Variants in IGF2BP3 observed in about 807,000 individuals in gnomAD.
The protein encoded by IGF2BP3 is insulin-like growth factor 2 mRNA-binding protein 3.
Under a neutral mutation model 73.8 loss-of-function variants are expected in IGF2BP3, and 9 were observed. That is an observed-to-expected ratio of 0.12 (90% confidence interval 0.07 to 0.21). The LOEUF is 0.21. Ranked by LOEUF, IGF2BP3 falls within the 10% of genes least tolerant of loss-of-function variation. The pLI is 1.00. For missense variants in IGF2BP3, 542 were observed against 714.0 expected, an observed-to-expected ratio of 0.76 and a Z score of 2.75; for synonymous variants, 258 against 256.7, an observed-to-expected ratio of 1.01 and a Z score of -0.05.
At chr7:23,433,172 C>G (rs542610505) in intron 2 of IGF2BP3, among the ~76,000 whole-genome samples, 14 of 152,140 alleles carry the variant, frequency 9.2e-5, no homozygotes, top group African/African-American at 3.4e-4. Flanking sequence ...TTGAGTAGCA[C>G]TGAAAATTAA....
At chr7:23,416,008 C>A (rs954518582) in intron 3 of IGF2BP3, 10 of 152,178 alleles carry the variant, frequency 6.6e-5, no homozygotes, top group African/African-American at 2.4e-4. Flanking sequence ...GTACCAAGCA[C>A]TGTTTTAAAG....
intron 2 of IGF2BP3, among the ~76,000 whole-genome samples, chr7:23,466,043 G>A (rs538018722): frequency 2.0e-5 from 3 of 148,504 alleles, no homozygotes; most frequent in Admixed American, 2.0e-4. Flanking sequence ...TTTTTTTGAG[G>A]TAGAGTTTCA....
intron 3 of IGF2BP3, among the ~76,000 whole-genome samples, chr7:23,401,821 C>T (rs945198292): frequency 9.2e-5 from 14 of 151,534 alleles, no homozygotes; most frequent in African/African-American, 2.9e-4. Context: ...CAGTCTAGGC[C>T]GGGCACGGTG....
intron 2 of IGF2BP3, among the ~76,000 whole-genome samples, chr7:23,439,927 A>G (rs1282104946): frequency 6.6e-6 from 1 of 152,130 alleles, no homozygotes; most frequent in Non-Finnish European, 1.5e-5. Context: ...AAAATTTACA[A>G]TGGCCCTTTC....
rs1446280301 is a variant in IGF2BP3, at chr7:23,361,681, G to A, written c.337+9C>T. On this transcript the variant is annotated intron_variant, in intron 4 of 14. Transcript: ENST00000258729. ...TTACAAATTTGAAAGCAATTCAGAA[G>A]ACATGTACCTTGCTCACAGCTCTCC... 2.5e-6 allele frequency: 4 copies of A among 1,613,722 alleles called. No individual in the cohort carries two copies. The highest frequency in any genetic ancestry group is 3.4e-6 in the Non-Finnish European group (4 of 1,179,796).
At chr7:23,329,756 CCT>C (rs1300544796) in intron 10 of IGF2BP3, among the ~76,000 whole-genome samples, 1 of 152,164 alleles carries the variant, frequency 6.6e-6, no homozygotes, top group Non-Finnish European at 1.5e-5. Flanking sequence ...GTTTGGGTCT[CCT>C]CTGTGTGAGG....
At chr7:23,364,853 G>C (rs911856416) in intron 3 of IGF2BP3, among the ~76,000 whole-genome samples, 2 of 151,326 alleles carry the variant, frequency 1.3e-5, no homozygotes, top group Non-Finnish European at 3.0e-5. Context: ...GTAGTTGACA[G>C]TTTAATATGT....
At position 23,469,779 on chromosome 7, in the gene IGF2BP3, G is replaced by A. The variant is rs1788665562; in HGVS notation, c.175+157C>T. On this transcript the variant is annotated intron_variant, in intron 1 of 14. Coordinates refer to ENST00000258729, the MANE Select transcript of IGF2BP3 (RefSeq NM_006547.3). The surrounding 1 kb of genome is among the most constrained non-coding windows in gnomAD (Gnocchi z 6.1). ...GGCCGGAGTGGGAGCCGGAGCTGAGGAGAGCCCCGGCCCCCACGCGCGTGG... is the reference window on the plus strand; with the variant it reads ...GGCCGGAGTGGGAGCCGGAGCTGAGAAGAGCCCCGGCCCCCACGCGCGTGG... Among the ~76,000 whole-genome samples the A allele has an allele frequency of 6.6e-6, 1 of 151,600 alleles. No individual in the cohort carries two copies. The highest frequency in any genetic ancestry group is 2.4e-5 in the African/African-American group (1 of 41,340).
At chr7:23,449,109 G>T (rs148583181) in intron 2 of IGF2BP3, among the ~76,000 whole-genome samples, 1 of 137,456 alleles carries the variant, frequency 7.3e-6, no homozygotes, top group Admixed American at 7.7e-5. Context: ...TTCCTATACC[G>T]ATTTATTATC....
At chr7:23,392,649 CA>C (rs1786322239) in intron 3 of IGF2BP3, among the ~76,000 whole-genome samples, 1 of 151,832 alleles carries the variant, frequency 6.6e-6, no homozygotes, top group Non-Finnish European at 1.5e-5. Flanking sequence ...TTTTTGGAGA[CA>C]GGGTCTTGCT....
intron 3 of IGF2BP3, among the ~76,000 whole-genome samples, chr7:23,384,959 C>T (rs796870332): frequency 2.6e-5 from 4 of 152,200 alleles, no homozygotes; most frequent in African/African-American, 9.6e-5. Flanking sequence ...TTTCAACTTA[C>T]AATATTTTCA....
In IGF2BP3 at chr7:23,469,823, C is replaced by T; in HGVS notation, c.175+113G>A. 3.4e-6 allele frequency: 2 copies of T among 590,250 alleles called. No homozygotes were observed. The highest frequency in any genetic ancestry group is 2.0e-5 in the African/African-American group (1 of 51,222). The allele number at this position is 590,250 out of a possible 1,614,324, so 36.6% of individuals were successfully genotyped here. A position where few individuals can be genotyped will look rare whatever the true frequency, so the allele number is the denominator to read the frequency against. Reference sequence around the variant, plus strand: ...CGCGTGGGTGTGGGCGCTCAGGCCTCACCCCCGCTCCCCCAGCGCGCCGGG... The same window carrying T: ...CGCGTGGGTGTGGGCGCTCAGGCCTTACCCCCGCTCCCCCAGCGCGCCGGG... On this transcript the variant is annotated intron_variant, in intron 1 of 14. Coordinates refer to ENST00000258729, the MANE Select transcript of IGF2BP3 (RefSeq NM_006547.3). This position sits in a 1 kb window ranked among gnomAD's most constrained non-coding sequence, Gnocchi z 6.1.
intron 3 of IGF2BP3, chr7:23,362,733 T>C (rs540906903): frequency 6.6e-6 from 1 of 152,346 alleles, no homozygotes; most frequent in South Asian, 2.1e-4. Context: ...CTCATCAGTT[T>C]AACTACAAAT....
intron 3 of IGF2BP3, among the ~76,000 whole-genome samples, chr7:23,396,073 T>C (rs1353887033): frequency 6.7e-6 from 1 of 148,172 alleles, no homozygotes; most frequent in African/African-American, 2.5e-5. Context: ...CAATAACCCA[T>C]TACAGAGTTG....
intron 3 of IGF2BP3, among the ~76,000 whole-genome samples, chr7:23,389,164 T>G (rs1306219774): frequency 6.7e-6 from 1 of 149,762 alleles, no homozygotes; most frequent in South Asian, 2.1e-4. Context: ...TTCCCTTTTT[T>G]TTTTTTTTTT....
At chr7:23,373,494 T>C (rs1785620781) in intron 3 of IGF2BP3, among the ~76,000 whole-genome samples, 2 of 151,858 alleles carry the variant, frequency 1.3e-5, no homozygotes, top group African/African-American at 4.8e-5. Context: ...CCATAATTTT[T>C]TAAAAAGAAG....
At chr7:23,365,071 C>T (rs1214777597) in intron 3 of IGF2BP3, among the ~76,000 whole-genome samples, 2 of 152,086 alleles carry the variant, frequency 1.3e-5, no homozygotes, top group Non-Finnish European at 2.9e-5. Context: ...GAGGCTGAGG[C>T]AGGAGAATTG....
At position 23,415,123 on chromosome 7, in the gene IGF2BP3, C is replaced by T. The variant is rs1321622829; in HGVS notation, c.285+3653G>A. ...AGGTCCCGTCCGTCAGTCGGCTTCACTGCATTACCAGGTCCTGTCTGTCAG... is the reference window on the plus strand; with the variant it reads ...AGGTCCCGTCCGTCAGTCGGCTTCATTGCATTACCAGGTCCTGTCTGTCAG... On this transcript the variant is annotated intron_variant, in intron 3 of 14. Coordinates refer to ENST00000258729, the MANE Select transcript of IGF2BP3 (RefSeq NM_006547.3). The T allele has an allele frequency of 1.8e-4, 39 of 221,030 alleles. 1 individual carries two copies. Among genetic ancestry groups the T allele is most frequent in the South Asian group, 1.7e-3 (37 of 21,628 alleles). 13.7% of individuals were successfully genotyped at this position (221,030 alleles called of 1,614,324 possible).
intron 2 of IGF2BP3, among the ~76,000 whole-genome samples, chr7:23,444,742 CAAAAA>C (rs56029431): frequency 3.6e-5 from 3 of 82,888 alleles, no homozygotes; most frequent in Non-Finnish European, 4.7e-5. Context: ...GACTCTGTCT[CAAAAA>C]AAAAAAAAAA....
Sources: gnomAD v4.1 joint callset for allele counts (sites outside exome capture counted in the v4.1 genomes callset) on GRCh38, gnomAD v4.1.1 for gene constraint, Gnocchi (gnomAD v3.1) non-coding constraint, MANE v1.5 for transcripts, NCBI Gene and HGNC (gene_info 2026-07-23, HGNC 2026-07-21) for gene names.